The following DCUN1D1 variants were observed in gnomAD, a reference collection of about 807,000 sequenced individuals.
The protein encoded by DCUN1D1 is defective in cullin neddylation 1 domain containing 1, also known as DCN1-like protein 1.
A neutral mutation model predicts 39.0 loss-of-function variants in DCUN1D1; 3 were observed. The observed-to-expected ratio is 0.08, with a 90% CI of 0.04 to 0.20. DCUN1D1 has a LOEUF of 0.20. Ranked by LOEUF, DCUN1D1 falls within the 10% of genes least tolerant of loss-of-function variation. The probability of loss-of-function intolerance (pLI) is 1.00; values close to 1 mark genes in which losing one functional copy is unlikely to be tolerated. For missense variants in DCUN1D1, 158 were observed against 302.4 expected (o/e 0.52, Z 3.54); for synonymous variants, 82 against 96.3 (o/e 0.85, Z 0.87).
In DCUN1D1 at chr3:182,947,287, TA is replaced by T; in HGVS notation, c.650del (p.Leu217Ter). On this transcript the variant is annotated frameshift_variant, in exon 6 of 7. Coordinates refer to ENST00000292782, the MANE Select transcript of DCUN1D1 (RefSeq NM_020640.4). LOFTEE classifies it high-confidence loss of function. Reference protein sequence around the residue: ...SIPKDTWNLLLDFSTMIADDM... With the variant: ...SIPKDTWNLLXDFSTMIADDM... ...CATCTGCAATCATCGTACTGAAGTC[TA>T]AAAGAAGATTCCAAGTGTCTTTTGG... is the stretch of plus-strand genomic sequence containing the variant. 6.2e-7 allele frequency: 1 copy of T among 1,610,302 alleles called. No homozygotes were observed. The highest frequency in any genetic ancestry group is 8.5e-7 in the Non-Finnish European group (1 of 1,178,760).
chr3:182,975,216 G>A (rs139927055), intron 1 of DCUN1D1, among the ~76,000 whole-genome samples: 7,616 of 145,658 alleles, frequency 0.052, 660 homozygotes, highest in African/African-American at 0.18. Context: ...CCGCTCTGTC[G>A]CCCAGGCTGG....
chr3:182,960,625 G>A (rs1039984908), intron 4 of DCUN1D1, among the ~76,000 whole-genome samples: 7 of 151,956 alleles, frequency 4.6e-5, no homozygotes, highest in Admixed American at 3.9e-4. Flanking sequence ...TTACCTACTA[G>A]CACTATCTAA....
chr3:182,955,484 T>C lies in DCUN1D1; in HGVS notation c.520+5742A>G. The C allele has an allele frequency of 7.5e-6, 4 of 535,456 alleles. No homozygotes were observed. In the Admixed American group the frequency reaches 8.0e-5, roughly 11 times the overall value. 33.2% of individuals were successfully genotyped at this position (535,456 alleles called of 1,614,324 possible). A position where few individuals can be genotyped will look rare whatever the true frequency, so the allele number is the denominator to read the frequency against. On this transcript the variant is annotated intron_variant, in intron 4 of 6. Coordinates refer to ENST00000292782, the MANE Select transcript of DCUN1D1 (RefSeq NM_020640.4). ...GAGATAAGAATCCTCCACTGTCTTT[T>C]GTAAACATTTAACACATTTTTTAGG...
intron 1 of DCUN1D1, among the ~76,000 whole-genome samples, chr3:182,968,071 C>T (rs1321467236): frequency 6.6e-6 from 1 of 152,006 alleles, no homozygotes; most frequent in Non-Finnish European, 1.5e-5. Flanking sequence ...CTGGAAATTA[C>T]GTAGGTTTTT....
At position 182,944,201 on chromosome 3, in the gene DCUN1D1, T is replaced by C. The variant is rs1289234622; in HGVS notation, c.*893A>G. The C allele has an allele frequency of 6.6e-6, 1 of 152,626 alleles. No individual in the cohort carries two copies. The highest frequency in any genetic ancestry group is 1.5e-5 in the Non-Finnish European group (1 of 68,020). The allele number at this position is 152,626 out of a possible 1,614,324, so 9.5% of individuals were successfully genotyped here. A position where few individuals can be genotyped will look rare whatever the true frequency, so the allele number is the denominator to read the frequency against. On this transcript the variant is annotated 3_prime_UTR_variant, in exon 7 of 7. Transcript: ENST00000292782. ...ACCCTCATGCCTAAATTTAGAATAT[T>C]GTATTGTGTAGCAATCCAAAACATT...
At chr3:182,983,109 G>T (rs1344441178), upstream of DCUN1D1, among the ~76,000 whole-genome samples, 1 of 152,154 alleles carries the variant, frequency 6.6e-6, no homozygotes, top group Non-Finnish European at 1.5e-5. Context: ...TGGCATTAAA[G>T]TTCTCTCCTC....
intron 1 of DCUN1D1, chr3:182,979,955 A>T: frequency 6.4e-6 from 1 of 156,128 alleles, no homozygotes; most frequent in Non-Finnish European, 1.4e-5. Context: ...ACTGCCTGGG[A>T]GACTTGCGGG....
At chr3:182,976,224 C>T (rs1478078824) in intron 1 of DCUN1D1, among the ~76,000 whole-genome samples, 1 of 152,010 alleles carries the variant, frequency 6.6e-6, no homozygotes, top group Admixed American at 6.6e-5. Context: ...GAAAAAACTG[C>T]TTTTAAAAAT....
rs1465925317 is a variant in DCUN1D1, at chr3:182,980,479, T to G, written c.3+8A>C. The G allele has an allele frequency of 3.3e-6, 4 of 1,208,388 alleles. 1 individual carries two copies. In the South Asian group the frequency reaches 8.1e-5, roughly 25 times the overall value. 74.9% of individuals were successfully genotyped at this position (1,208,388 alleles called of 1,614,324 possible). A position where few individuals can be genotyped will look rare whatever the true frequency, so the allele number is the denominator to read the frequency against. ...CGGCAGGGCGGGCGGGCGGCCGCAGTGCCTCACCATGTTGGTGTCCTCCAG... is the reference window on the plus strand; with the variant it reads ...CGGCAGGGCGGGCGGGCGGCCGCAGGGCCTCACCATGTTGGTGTCCTCCAG... On this transcript the variant is annotated splice_region_variant and intron_variant, in intron 1 of 6. Transcript: ENST00000292782.
In DCUN1D1 at chr3:182,943,381, C is replaced by A. The variant is rs1425718531; in HGVS notation, c.*1713G>T. The A allele has an allele frequency of 1.3e-5, 2 of 152,104 alleles. No individual in the cohort carries two copies. The highest frequency in any genetic ancestry group is 2.1e-4 in the South Asian group (1 of 4,812). 9.4% of individuals were successfully genotyped at this position (152,104 alleles called of 1,614,324 possible). A position where few individuals can be genotyped will look rare whatever the true frequency, so the allele number is the denominator to read the frequency against. On this transcript the variant is annotated 3_prime_UTR_variant, in exon 7 of 7. Transcript: ENST00000292782. ...TTCTTTTAATAACCAATTCCAGTAG[C>A]CTGAATAGAAATTTTCAAATTTTTC...
chr3:182,951,451 C>T (rs558914024), intron 4 of DCUN1D1, among the ~76,000 whole-genome samples: 73 of 151,410 alleles, frequency 4.8e-4, no homozygotes, highest in Non-Finnish European at 8.7e-4. Context: ...TTGGTCTCTA[C>T]TAAAAATCAA....
chr3:182,980,665 A>T, upstream of DCUN1D1: 1 of 818,274 alleles, frequency 1.2e-6, no homozygotes, highest in Non-Finnish European at 1.5e-6. Flanking sequence ...GGACGGAGGC[A>T]GGCGGAGGGC....
chr3:182,957,561 G>A (rs1382076196), intron 4 of DCUN1D1, among the ~76,000 whole-genome samples: 1 of 152,066 alleles, frequency 6.6e-6, no homozygotes, highest in African/African-American at 2.4e-5. Context: ...AGGAGTTTGA[G>A]ACTGCAGTGA....
At chr3:182,980,237 C>T (rs1728469647) in intron 1 of DCUN1D1, 2 of 306,964 alleles carry the variant, frequency 6.5e-6, no homozygotes, top group East Asian at 1.7e-4. Context: ...CCAAACTCCC[C>T]GGGGCTCCCG....
chr3:182,944,895 C>G lies in DCUN1D1; in HGVS notation c.*199G>C. On this transcript the variant is annotated 3_prime_UTR_variant, in exon 7 of 7. Transcript: ENST00000292782. ...TTATAAATGTTTAGAGCGGCCCAGA[C>G]TAGAAGACAAGCCCAAACCACCATT... The G allele has an allele frequency of 1.9e-6, 1 of 528,712 alleles. No homozygotes were observed. The highest frequency in any genetic ancestry group is 3.3e-6 in the Non-Finnish European group (1 of 298,950). 32.8% of individuals were successfully genotyped at this position (528,712 alleles called of 1,614,324 possible). A position where few individuals can be genotyped will look rare whatever the true frequency, so the allele number is the denominator to read the frequency against.
Position 182,944,107 on chromosome 3 carries a change from T to C in DCUN1D1, c.*987A>G, listed in dbSNP as rs1345103889. On this transcript the variant is annotated 3_prime_UTR_variant, in exon 7 of 7. Coordinates refer to ENST00000292782, the MANE Select transcript of DCUN1D1 (RefSeq NM_020640.4). The stretch of plus-strand genomic sequence containing the variant: ...AAATTTAACTGCAACTATCTTCTTA[T>C]AAATTAAGAGAATTCCATTTGTGTT... 1.3e-5 allele frequency: 2 copies of C among 152,564 alleles called. No homozygotes were observed. The highest frequency in any genetic ancestry group is 4.8e-5 in the African/African-American group (2 of 41,420). The allele number at this position is 152,564 out of a possible 1,614,324, so 9.5% of individuals were successfully genotyped here.
intron 1 of DCUN1D1, 66 bp downstream of exon 1, chr3:182,980,421 G>A (rs1231869205): frequency 8.8e-6 from 9 of 1,019,290 alleles, no homozygotes; most frequent in Non-Finnish European, 1.1e-5. Context: ...AGGGCGGCCG[G>A]GGCGGGGGTG....
chr3:182,973,640 C>G (rs921075714), intron 1 of DCUN1D1, among the ~76,000 whole-genome samples: 4 of 152,016 alleles, frequency 2.6e-5, no homozygotes, highest in African/African-American at 9.7e-5. Flanking sequence ...AACCCCGTCT[C>G]TACTAAAAAT....
intron 1 of DCUN1D1, among the ~76,000 whole-genome samples, chr3:182,977,281 G>A (rs1209567661): frequency 6.6e-6 from 1 of 152,188 alleles, no homozygotes. Context: ...ATGGGGAGGA[G>A]TAATTAGATG....
Sources: gnomAD v4.1 joint callset for allele counts (sites outside exome capture counted in the v4.1 genomes callset) on GRCh38, gnomAD v4.1.1 for gene constraint, MANE v1.5 for transcripts, NCBI Gene and HGNC (gene_info 2026-07-23, HGNC 2026-07-21) for gene names.